The following ZNF385D variants were observed in gnomAD, a reference collection of about 807,000 sequenced individuals.
ZNF385D encodes zinc finger protein 659.
ZNF385D carries 15 observed loss-of-function variants against 35.8 expected under a neutral mutation model. That is an observed-to-expected ratio of 0.42 (90% CI 0.28 to 0.64). The LOEUF (loss-of-function observed/expected upper bound fraction) is 0.64, where lower values mean the gene tolerates loss of function less well. Among genes scored for constraint, ZNF385D ranks in the 30% least tolerant of loss-of-function variants. ZNF385D has a pLI of 0.23. For missense variants in ZNF385D, 474 were observed against 494.6 expected, an observed-to-expected ratio of 0.96 and a Z score of 0.39; for synonymous variants, 212 against 186.8, an observed-to-expected ratio of 1.13 and a Z score of -1.10.
At chr3:21,705,455 A>G (rs185597244) in intron 1 of ZNF385D, among the ~76,000 whole-genome samples, 169 of 152,346 alleles carry the variant, frequency 1.1e-3, no homozygotes, top group African/African-American at 3.9e-3. Flanking sequence ...GAAACAACTA[A>G]TTAACTTGAA....
chr3:21,868,591 A>G (rs187311497), intron 3 of ZNF385D, among the ~76,000 whole-genome samples: 8 of 152,114 alleles, frequency 5.3e-5, no homozygotes, highest in Admixed American at 2.0e-4. Flanking sequence ...TACTATTACC[A>G]TATCTACCAG....
rs920856973 is a variant in ZNF385D, at chr3:22,024,970, T to C, written c.325+143847A>G. Among the ~76,000 whole-genome samples the C allele has an allele frequency of 2.2e-4, 33 of 152,154 alleles. 1 individual carries two copies. Among genetic ancestry groups the C allele is most frequent in the African/African-American group, 6.5e-4 (27 of 41,438 alleles). ...GAAAAATAGACACAAGCTCTTATCATGCAAGTGGCTGACCTGAAACAAAAG... is the reference window on the plus strand; with the variant it reads ...GAAAAATAGACACAAGCTCTTATCACGCAAGTGGCTGACCTGAAACAAAAG... On this transcript the variant is annotated intron_variant, in intron 3 of 5. Coordinates refer to the ZNF385D transcript ENST00000494108.
intron 2 of ZNF385D, among the ~76,000 whole-genome samples, chr3:22,213,247 T>A (rs1288328852): frequency 6.6e-6 from 1 of 151,754 alleles, no homozygotes; most frequent in African/African-American, 2.4e-5. Context: ...ATAGGCTTTG[T>A]GGGCCACATA....
intron 3 of ZNF385D, among the ~76,000 whole-genome samples, chr3:22,101,277 T>G (rs1294317585): frequency 6.6e-6 from 1 of 151,994 alleles, no homozygotes; most frequent in African/African-American, 2.4e-5. Flanking sequence ...TAATGATATA[T>G]AAAGGGCTAT....
At chr3:22,100,710 C>T (rs1451138138) in intron 3 of ZNF385D, among the ~76,000 whole-genome samples, 1 of 150,756 alleles carries the variant, frequency 6.6e-6, no homozygotes, top group Non-Finnish European at 1.5e-5. Context: ...GAAAGGATAG[C>T]AATGGGAGAT....
chr3:22,235,822 T>C (rs1699147509), intron 2 of ZNF385D, among the ~76,000 whole-genome samples: 1 of 152,140 alleles, frequency 6.6e-6, no homozygotes, highest in Non-Finnish European at 1.5e-5. Context: ...AAATTGGTAC[T>C]ATCTTTTTGA....
chr3:21,443,269 G>C, intron 4 of ZNF385D: 2 of 985,328 alleles, frequency 2.0e-6, no homozygotes, highest in Non-Finnish European at 2.4e-6. Flanking sequence ...CAGGCTCAAG[G>C]ATGATTCAGG....
In ZNF385D at chr3:21,826,352, G is replaced by A. The variant is rs142960390; in HGVS notation, c.326-161324C>T. Among the ~76,000 whole-genome samples the A allele has an allele frequency of 3.6e-3, 550 of 152,192 alleles. 2 individuals are homozygous for A. Among genetic ancestry groups the A allele is most frequent in the Middle Eastern group, 0.01 (3 of 294 alleles). Reference sequence around the variant, plus strand: ...TTGGGCTGCATAGAATATTACTTACGTTTCCAGCACAGTGGCCCTGTTCAG... The same window carrying A: ...TTGGGCTGCATAGAATATTACTTACATTTCCAGCACAGTGGCCCTGTTCAG... On this transcript the variant is annotated intron_variant, in intron 3 of 5. Coordinates refer to the ZNF385D transcript ENST00000494108.
intron 2 of ZNF385D, among the ~76,000 whole-genome samples, chr3:22,173,766 A>G (rs968056260): frequency 6.6e-6 from 1 of 152,174 alleles, no homozygotes; most frequent in Non-Finnish European, 1.5e-5. Context: ...CAAACTTACA[A>G]TGGAAAGGCT....
At chr3:21,761,728 G>A (rs1190427799) in intron 3 of ZNF385D, among the ~76,000 whole-genome samples, 2 of 149,754 alleles carry the variant, frequency 1.3e-5, no homozygotes, top group Non-Finnish European at 3.0e-5. Flanking sequence ...AGTCATGAGA[G>A]AATGCAGATC....
chr3:21,628,572 T>C (rs1261340657), intron 2 of ZNF385D, among the ~76,000 whole-genome samples: 2 of 152,140 alleles, frequency 1.3e-5, no homozygotes, highest in Non-Finnish European at 1.5e-5. Context: ...CTTGATTTAC[T>C]CCCTGCCTAA....
chr3:21,840,315 A>G (rs1695583719), intron 3 of ZNF385D, among the ~76,000 whole-genome samples: 1 of 152,086 alleles, frequency 6.6e-6, no homozygotes, highest in Non-Finnish European at 1.5e-5. Context: ...ACCTAAAATT[A>G]AAACAGAATA....
At chr3:22,136,578 A>G (rs78077244) in intron 3 of ZNF385D, among the ~76,000 whole-genome samples, 2,383 of 152,284 alleles carry the variant, frequency 0.016, 59 homozygotes, top group African/African-American at 0.053. Flanking sequence ...GAAAAATCCA[A>G]TTTACAAACC....
At chr3:22,072,129 A>G (rs919698166) in intron 3 of ZNF385D, among the ~76,000 whole-genome samples, 3 of 152,098 alleles carry the variant, frequency 2.0e-5, no homozygotes, top group Non-Finnish European at 2.9e-5. Flanking sequence ...AAACAGAATC[A>G]TGAGATTATA....
rs1357009849 is a variant in ZNF385D, at chr3:21,420,215, G to T, written c.*999C>A. 1 of 152,080 alleles carries T rather than the reference G, an allele frequency of 6.6e-6. No individual in the cohort carries two copies. 9.4% of individuals were successfully genotyped at this position (152,080 alleles called of 1,614,324 possible). A position where few individuals can be genotyped will look rare whatever the true frequency, so the allele number is the denominator to read the frequency against. ...CAACCCTACTGGTATGATATAAAGG[G>T]GATACTGCAGAGATGCAACATTCTC... On this transcript the variant is annotated 3_prime_UTR_variant, in exon 8 of 8. Coordinates refer to ENST00000281523, the MANE Select transcript of ZNF385D (RefSeq NM_024697.3).
At chr3:21,441,269 G>A (rs1004347787) in intron 4 of ZNF385D, among the ~76,000 whole-genome samples, 1 of 152,014 alleles carries the variant, frequency 6.6e-6, no homozygotes, top group Non-Finnish European at 1.5e-5. Context: ...GCTAATCATC[G>A]TGGAAGCACT....
chr3:22,010,382 C>G (rs1048914210), intron 3 of ZNF385D, among the ~76,000 whole-genome samples: 4 of 152,122 alleles, frequency 2.6e-5, no homozygotes, highest in Admixed American at 1.3e-4. Flanking sequence ...TCATTTCTGC[C>G]TTATCAAGAA....
chr3:22,176,422 C>T (rs1694836690), intron 2 of ZNF385D, among the ~76,000 whole-genome samples: 1 of 152,154 alleles, frequency 6.6e-6, no homozygotes, highest in Admixed American at 6.5e-5. Flanking sequence ...TAATTAGGAA[C>T]ATCTTACTTT....
intron 3 of ZNF385D, among the ~76,000 whole-genome samples, chr3:21,999,063 C>T: frequency 6.6e-6 from 1 of 152,168 alleles, no homozygotes. Flanking sequence ...GTCCTGTCTG[C>T]TTTTACCAGA....
Sources: gnomAD v4.1 joint callset for allele counts (sites outside exome capture counted in the v4.1 genomes callset) on GRCh38, gnomAD v4.1.1 for gene constraint, MANE v1.5 for transcripts, NCBI Gene and HGNC (gene_info 2026-07-23, HGNC 2026-07-21) for gene names.